The following INPP4B variants were observed in gnomAD, a reference collection of about 807,000 sequenced individuals.
INPP4B encodes the protein inositol polyphosphate 4-phosphatase type II.
Under a neutral mutation model 122.5 loss-of-function variants are expected in INPP4B, and 55 were observed. The observed-to-expected ratio is 0.45, with a 90% confidence interval of 0.36 to 0.56. The LOEUF (loss-of-function observed/expected upper bound fraction) is 0.56. INPP4B is among the 20% of genes least tolerant of loss of function. INPP4B has a pLI of 0.00. For synonymous variants in INPP4B, 403 were observed against 388.7 expected, an observed-to-expected ratio of 1.04 and a Z score of -0.43; for missense variants, 1,000 against 1,097.7, an observed-to-expected ratio of 0.91 and a Z score of 1.26.
chr4:142,252,591 T>A (rs531333316), intron 11 of INPP4B, among the ~76,000 whole-genome samples: 1 of 152,360 alleles, frequency 6.6e-6, no homozygotes, highest in African/African-American at 2.4e-5. Flanking sequence ...AACAGTACTA[T>A]ATGTCTCAAT....
Position 142,431,274 on chromosome 4 carries a change from G to A in INPP4B, c.-15C>T, listed in dbSNP as rs776269658. ...TTAATTTCCATGATCAACCTTCACA[G>A]TTTTAAAATTTTCCAAATTTTCTTG... On this transcript the variant is annotated 5_prime_UTR_variant, in exon 4 of 26. Coordinates refer to ENST00000262992, the MANE Select transcript of INPP4B (RefSeq NM_001101669.3). The A allele has an allele frequency of 1.2e-6, 2 of 1,607,804 alleles. No homozygotes were observed. Among genetic ancestry groups the A allele is most frequent in the Middle Eastern group, 1.7e-4 (1 of 6,044 alleles).
intron 8 of INPP4B, among the ~76,000 whole-genome samples, chr4:142,307,556 A>G (rs1763898852): frequency 6.6e-6 from 1 of 152,218 alleles, no homozygotes; most frequent in South Asian, 2.1e-4. Context: ...ATTCTATTAC[A>G]TATAGGAGAA....
At chr4:142,721,581 G>A (rs1358958289) in intron 2 of INPP4B, among the ~76,000 whole-genome samples, 2 of 152,204 alleles carry the variant, frequency 1.3e-5, no homozygotes, top group Non-Finnish European at 2.9e-5. Flanking sequence ...CCAGCACTTT[G>A]GGAGGCCGAG....
At chr4:142,251,722 TTTTG>T (rs1279595547) in intron 11 of INPP4B, among the ~76,000 whole-genome samples, 3 of 152,228 alleles carry the variant, frequency 2.0e-5, no homozygotes, top group African/African-American at 7.2e-5. Flanking sequence ...TTAAATTGTA[TTTTG>T]TTTATCTGTG....
At chr4:142,577,723 G>A (rs1423962150) in intron 2 of INPP4B, among the ~76,000 whole-genome samples, 1 of 151,930 alleles carries the variant, frequency 6.6e-6, no homozygotes, top group Non-Finnish European at 1.5e-5. Context: ...GCTTTTGTGC[G>A]TCATATAGAA....
At chr4:142,305,341 C>G in intron 9 of INPP4B, 117 bp downstream of exon 9, 1 of 729,114 alleles carries the variant, frequency 1.4e-6, no homozygotes, top group Non-Finnish European at 2.3e-6. Flanking sequence ...AGAACATTAG[C>G]TATTTGAGAA....
intron 2 of INPP4B, among the ~76,000 whole-genome samples, chr4:142,482,163 T>C (rs1211419226): frequency 2.6e-5 from 4 of 152,130 alleles, no homozygotes; most frequent in African/African-American, 9.7e-5. Flanking sequence ...TCCTTAGGAA[T>C]TTTATATATA....
intron 18 of INPP4B, among the ~76,000 whole-genome samples, chr4:142,138,078 C>T (rs984621058): frequency 6.6e-6 from 1 of 151,816 alleles, no homozygotes; most frequent in African/African-American, 2.4e-5. Context: ...TATAAAGACA[C>T]ATGCACACGT....
intron 2 of INPP4B, among the ~76,000 whole-genome samples, chr4:142,570,967 T>C (rs1732668734): frequency 6.6e-6 from 1 of 151,880 alleles, no homozygotes; most frequent in Admixed American, 6.6e-5. Flanking sequence ...CTTGCTGTTT[T>C]TCTCCCTGGC....
intron 2 of INPP4B, among the ~76,000 whole-genome samples, chr4:142,598,594 T>C (rs1247581757): frequency 6.6e-6 from 1 of 152,124 alleles, no homozygotes. Context: ...GAAGTACTAT[T>C]CCTCATGGAA....
intron 25 of INPP4B, among the ~76,000 whole-genome samples, chr4:142,070,792 A>G (rs1480951743): frequency 1.3e-5 from 2 of 152,170 alleles, no homozygotes; most frequent in African/African-American, 2.4e-5. Context: ...GATGTGAAGG[A>G]CCTTTTATGG....
intron 2 of INPP4B, among the ~76,000 whole-genome samples, chr4:142,647,918 G>A (rs930095643): frequency 2.0e-5 from 3 of 152,210 alleles, no homozygotes; most frequent in African/African-American, 7.2e-5. Context: ...TGTAGTAAGT[G>A]ACTATCAGTT....
chr4:142,208,832 T>A, intron 13 of INPP4B, 64 bp downstream of exon 13: 1 of 1,217,634 alleles, frequency 8.2e-7, no homozygotes, highest in Non-Finnish European at 1.1e-6. Flanking sequence ...TTATTATTTT[T>A]TTTTTCATTT....
intron 11 of INPP4B, among the ~76,000 whole-genome samples, chr4:142,238,484 A>G (rs1383575302): frequency 1.3e-5 from 2 of 152,092 alleles, no homozygotes; most frequent in East Asian, 3.9e-4. Flanking sequence ...ACCTATTTAC[A>G]TAGCAGGTCA....
intron 7 of INPP4B, among the ~76,000 whole-genome samples, chr4:142,316,285 A>C (rs1767621134): frequency 6.6e-6 from 1 of 152,196 alleles, no homozygotes; most frequent in South Asian, 2.1e-4. Flanking sequence ...GGCTAAGAGC[A>C]TTAGAAGTTT....
chr4:142,621,552 A>C (rs1350298399), intron 2 of INPP4B, among the ~76,000 whole-genome samples: 1 of 152,068 alleles, frequency 6.6e-6, no homozygotes, highest in East Asian at 1.9e-4. Flanking sequence ...CAGAGTGGAA[A>C]GGACATGATT....
chr4:142,128,516 TC>T (rs1332169998), intron 18 of INPP4B, among the ~76,000 whole-genome samples: 1 of 152,104 alleles, frequency 6.6e-6, no homozygotes, highest in African/African-American at 2.4e-5. Context: ...TTCCCTGGGC[TC>T]CTTTCCATGA....
At chr4:142,151,293 A>G (rs1324634245) in intron 17 of INPP4B, among the ~76,000 whole-genome samples, 1 of 152,028 alleles carries the variant, frequency 6.6e-6, no homozygotes, top group African/African-American at 2.4e-5. Context: ...CACACACACC[A>G]CATATCAACA....
chr4:142,600,686 A>T (rs1281432604), intron 2 of INPP4B, among the ~76,000 whole-genome samples: 1 of 152,118 alleles, frequency 6.6e-6, no homozygotes, highest in African/African-American at 2.4e-5. Flanking sequence ...CAGGAACAAA[A>T]CCTCACATAT....
Sources: allele counts gnomAD v4.1 joint callset (sites outside exome capture counted in the v4.1 genomes callset), GRCh38; gene constraint gnomAD v4.1.1; transcripts MANE v1.5; gene names NCBI Gene and HGNC (gene_info 2026-07-23, HGNC 2026-07-21).